KCNQ3: variants seen among roughly 807,000 people sequenced by gnomAD.
The protein encoded by KCNQ3 is potassium voltage-gated channel subfamily Q member 3, also known as potassium voltage-gated channel subfamily KQT member 3.
KCNQ3 carries 30 observed loss-of-function variants against 92.5 expected under a neutral mutation model. The observed-to-expected ratio is 0.32, with a 90% CI of 0.24 to 0.44. KCNQ3 has a LOEUF of 0.44. Among genes scored for constraint, KCNQ3 ranks in the 20% least tolerant of loss-of-function variants. The pLI, the probability that KCNQ3 is intolerant of heterozygous loss-of-function variation, is 1.00. For missense variants in KCNQ3, 913 were observed against 1,140.3 expected, an observed-to-expected ratio of 0.80 and a Z score of 2.87; for synonymous variants, 450 against 468.8, an observed-to-expected ratio of 0.96 and a Z score of 0.52.
intron 1 of KCNQ3, among the ~76,000 whole-genome samples, chr8:132,470,900 T>C (rs1822285724): frequency 6.6e-6 from 1 of 152,206 alleles, no homozygotes; most frequent in Non-Finnish European, 1.5e-5. Context: ...ATTTGTCTAT[T>C]ATTTCTTTAT....
intron 1 of KCNQ3, among the ~76,000 whole-genome samples, chr8:132,264,065 A>G (rs906894358): frequency 2.0e-5 from 3 of 152,206 alleles, no homozygotes; most frequent in Non-Finnish European, 4.4e-5. Context: ...AGCCTTGGAC[A>G]CTGAGGTACA....
chr8:132,448,502 G>GAAAAAAAAAAAAAAAAAAAAAGAAGAAA (rs1821744932), intron 1 of KCNQ3, among the ~76,000 whole-genome samples: 1 of 93,884 alleles, frequency 1.1e-5, no homozygotes, highest in African/African-American at 4.2e-5. Context: ...GGAGAAATAT[G>GAAAAAAAAAAAAAAAAAAAAAGAAGAAA]AAAAAAAAAA....
chr8:132,392,553 T>C (rs1388831436), intron 1 of KCNQ3, among the ~76,000 whole-genome samples: 5 of 151,810 alleles, frequency 3.3e-5, no homozygotes, highest in African/African-American at 9.7e-5. Flanking sequence ...TATTCAAACC[T>C]CACCTTTCCA....
At chr8:132,409,238 T>C (rs139412967) in intron 1 of KCNQ3, among the ~76,000 whole-genome samples, 4 of 152,282 alleles carry the variant, frequency 2.6e-5, no homozygotes, top group Non-Finnish European at 5.9e-5. Context: ...TTCCTATTCA[T>C]CTCTAATCCA....
chr8:132,235,479 C>T (rs1278822690), intron 1 of KCNQ3, among the ~76,000 whole-genome samples: 4 of 152,188 alleles, frequency 2.6e-5, no homozygotes, highest in African/African-American at 4.8e-5. Flanking sequence ...CTAGCCTGGG[C>T]GACAGAGTGA....
intron 8 of KCNQ3, among the ~76,000 whole-genome samples, chr8:132,167,932 T>G (rs1237260926): frequency 2.0e-5 from 3 of 152,242 alleles, no homozygotes; most frequent in Non-Finnish European, 4.4e-5. Context: ...ATCTGCCCAT[T>G]CTAAGAAGAC....
chr8:132,186,203 G>A (rs986913036), intron 1 of KCNQ3, 22 bp from the exon 2 acceptor site: 5 of 1,566,992 alleles, frequency 3.2e-6, no homozygotes, highest in South Asian at 1.1e-5. Context: ...GAAAGAAATG[G>A]ACTAAGGAAC....
At chr8:132,410,613 A>T (rs1321890768) in intron 1 of KCNQ3, among the ~76,000 whole-genome samples, 1 of 152,246 alleles carries the variant, frequency 6.6e-6, no homozygotes. Context: ...CAGCTGCAGC[A>T]GCAGCCACCT....
chr8:132,469,117 T>C (rs1384386414), intron 1 of KCNQ3, among the ~76,000 whole-genome samples: 1 of 152,214 alleles, frequency 6.6e-6, no homozygotes, highest in Non-Finnish European at 1.5e-5. Flanking sequence ...TATGACTCTC[T>C]TCGTCTTTCC....
At chr8:132,254,948 A>G (rs1815534885) in intron 1 of KCNQ3, among the ~76,000 whole-genome samples, 1 of 152,228 alleles carries the variant, frequency 6.6e-6, no homozygotes, top group Admixed American at 6.5e-5. Flanking sequence ...CCTCTCTTCC[A>G]TAATAGCAAC....
intron 1 of KCNQ3, among the ~76,000 whole-genome samples, chr8:132,349,307 A>G (rs903808142): frequency 6.6e-6 from 1 of 152,204 alleles, no homozygotes; most frequent in East Asian, 1.9e-4. Flanking sequence ...ACTTTACACT[A>G]AACTAGTATC....
chr8:132,367,588 C>T (rs368691700), intron 1 of KCNQ3, among the ~76,000 whole-genome samples: 1 of 152,208 alleles, frequency 6.6e-6, no homozygotes, highest in East Asian at 1.9e-4. Flanking sequence ...ACAGTTTTCC[C>T]TACAAATGTT....
intron 12 of KCNQ3, among the ~76,000 whole-genome samples, chr8:132,135,764 G>A (rs2469618): frequency 0.37 from 56,776 of 151,490 alleles, 11,682 homozygotes; most frequent in Non-Finnish European, 0.48. Context: ...CTATTCATTC[G>A]GCAGGCAGTG....
chr8:132,263,240 C>T (rs149462019), intron 1 of KCNQ3, among the ~76,000 whole-genome samples: 106 of 152,324 alleles, frequency 7.0e-4, no homozygotes, highest in African/African-American at 2.4e-3. Flanking sequence ...CTGTCCCTGG[C>T]AACTGCCTGG....
chr8:132,279,223 A>G (rs932701650), intron 1 of KCNQ3, among the ~76,000 whole-genome samples: 4 of 152,208 alleles, frequency 2.6e-5, no homozygotes, highest in Non-Finnish European at 5.9e-5. Flanking sequence ...ATCTAAAAAA[A>G]AATGCAGATG....
intron 1 of KCNQ3, chr8:132,447,397 AAAG>A: frequency 1.4e-6 from 1 of 701,406 alleles, no homozygotes; most frequent in Non-Finnish European, 2.5e-6. Context: ...ACACTGCAAG[AAAG>A]AAGAAAAGGA....
chr8:132,408,237 T>C (rs1290628136), intron 1 of KCNQ3, among the ~76,000 whole-genome samples: 1 of 152,206 alleles, frequency 6.6e-6, no homozygotes, highest in Non-Finnish European at 1.5e-5. Context: ...AGCTTTGGCA[T>C]ATATTCCATG....
chr8:132,387,164 G>GA (rs1819910592), intron 1 of KCNQ3, among the ~76,000 whole-genome samples: 1 of 152,082 alleles, frequency 6.6e-6, no homozygotes, highest in Non-Finnish European at 1.5e-5. Context: ...CATATTAAAA[G>GA]AAAAAGAAAA....
Position 132,480,393 on chromosome 8 carries a change from G to C in KCNQ3, c.140C>G (p.Pro47Arg). The C allele has an allele frequency of 6.4e-7, 1 of 1,551,458 alleles. No homozygotes were observed. Among genetic ancestry groups the C allele is most frequent in the Non-Finnish European group, 8.6e-7 (1 of 1,157,598 alleles). The change falls in exon 1 of 15, where the codon CCC (proline) becomes CGC (arginine). Residue 47 changes from proline to arginine, a missense_variant. By Grantham distance (103) the Pro-to-Arg change is moderately radical. Coordinates refer to ENST00000388996, the MANE Select transcript of KCNQ3 (RefSeq NM_004519.4). ...GDEERKVGLAPGDVEQVTLAL... is the reference protein window; with the variant it reads ...GDEERKVGLARGDVEQVTLAL... The stretch of plus-strand genomic sequence containing the variant: ...CAAGGTGACTTGCTCCACGTCGCCG[G>C]GCGCCAGCCCCACTTTCCGCTCCTC...
Sources: gnomAD v4.1 joint callset for allele counts (sites outside exome capture counted in the v4.1 genomes callset) on GRCh38, gnomAD v4.1.1 for gene constraint, MANE v1.5 for transcripts, NCBI Gene and HGNC (gene_info 2026-07-23, HGNC 2026-07-21) for gene names.